The following TEX15 variants were observed in gnomAD, a reference collection of about 807,000 sequenced individuals.
TEX15 encodes the protein testis expressed 15, meiosis and synapsis associated.
TEX15 carries 171 observed loss-of-function variants against 237.3 expected under a neutral mutation model. That is an observed-to-expected ratio of 0.72 (90% CI 0.64 to 0.82). TEX15 has a LOEUF of 0.82. TEX15 is among the 40% of genes least tolerant of loss of function. The pLI is 0.00. For synonymous variants in TEX15, 1,338 were observed against 1,269.8 expected (o/e 1.05, Z -1.14); for missense variants, 3,750 against 3,646.5 (o/e 1.03, Z -0.73).
Position 30,859,910 on chromosome 8 carries a change from C to G in TEX15, c.687+1G>C. 6.8e-7 allele frequency: 1 copy of G among 1,472,488 alleles called. No individual in the cohort carries two copies. Among genetic ancestry groups the G allele is most frequent in the Non-Finnish European group, 8.9e-7 (1 of 1,121,920 alleles). 91.2% of individuals were successfully genotyped at this position (1,472,488 alleles called of 1,614,324 possible). ...AGAAATCAAATGAACCATTAACATA[C>G]TGCTGAACTGTAGGCTTGCAGTTCA... On this transcript the variant is annotated splice_donor_variant, in intron 6 of 10. Transcript: ENST00000643185. LOFTEE classifies it high-confidence loss of function.
At chr8:30,907,773 C>A (rs1809139762) in intron 1 of TEX15, among the ~76,000 whole-genome samples, 1 of 115,886 alleles carries the variant, frequency 8.6e-6, no homozygotes, top group Non-Finnish European at 1.9e-5. Flanking sequence ...TATAATTACA[C>A]CAAAAAAAAA....
intron 2 of TEX15, among the ~76,000 whole-genome samples, chr8:30,897,290 TA>T (rs954667201): frequency 1.3e-5 from 2 of 152,194 alleles, no homozygotes; most frequent in Non-Finnish European, 2.9e-5. Context: ...TCCCTCTTCC[TA>T]CCACTTTCAG....
intron 7 of TEX15, among the ~76,000 whole-genome samples, chr8:30,851,636 A>C (rs1807786528): frequency 6.6e-6 from 1 of 151,444 alleles, no homozygotes; most frequent in African/African-American, 2.4e-5. Context: ...TGTCTCAAGG[A>C]AAAAGAAAAA....
At chr8:30,885,257 A>G (rs561097342) in intron 3 of TEX15, among the ~76,000 whole-genome samples, 1 of 151,886 alleles carries the variant, frequency 6.6e-6, no homozygotes, top group Non-Finnish European at 1.5e-5. Flanking sequence ...CATAATTCCC[A>G]TGTTTTGTGG....
intron 1 of TEX15, among the ~76,000 whole-genome samples, chr8:30,909,394 A>ACC (rs35046956): frequency 0.06 from 7,080 of 117,938 alleles, 254 homozygotes; most frequent in Middle Eastern, 0.1. Context: ...TTAAAGACAG[A>ACC]CCCCCCCCCG....
At position 30,848,777 on chromosome 8, in the gene TEX15, T is replaced by A; in HGVS notation, c.1390A>T (p.Asn464Tyr). Residue 464 changes from asparagine (N) to tyrosine (Y), a missense_variant, in exon 8 of 11, where the codon AAT (asparagine) becomes TAT (tyrosine). Transcript: ENST00000643185. ...EVLQFEKSSD[N>Y]VNSEIKSTPS... Reference sequence around the variant, plus strand: ...GTCGATTTTATTTCTGAATTAACATTATCTGAACTCTTCTCAAATTGCAAA... The same window carrying A: ...GTCGATTTTATTTCTGAATTAACATAATCTGAACTCTTCTCAAATTGCAAA... 1 of 1,614,176 alleles carries A rather than the reference T, an allele frequency of 6.2e-7. No homozygotes were observed. Among genetic ancestry groups the A allele is most frequent in the Non-Finnish European group, 8.5e-7 (1 of 1,180,032 alleles).
intron 4 of TEX15, among the ~76,000 whole-genome samples, chr8:30,870,774 T>C (rs1172350369): frequency 1.3e-5 from 2 of 152,094 alleles, no homozygotes; most frequent in Admixed American, 6.6e-5. Flanking sequence ...TTTGTTTCCT[T>C]TGCTGTTATA....
intron 2 of TEX15, among the ~76,000 whole-genome samples, chr8:30,892,165 A>G (rs746903932): frequency 6.6e-6 from 1 of 152,190 alleles, no homozygotes; most frequent in African/African-American, 2.4e-5. Context: ...CTTTGCCTCA[A>G]ATTCATTTTT....
Position 30,849,641 on chromosome 8 carries a change from G to C in TEX15, c.851-325C>G, listed in dbSNP as rs1001510019. Among the ~76,000 whole-genome samples, 32 of 152,008 alleles carry C rather than the reference G, an allele frequency of 2.1e-4. 1 individual carries two copies. The highest frequency in any genetic ancestry group is 6.2e-4 in the South Asian group (3 of 4,824). On this transcript the variant is annotated intron_variant, in intron 7 of 10. Transcript: ENST00000643185. ...ATAGGGGCTGGGCACGGTGGCTCAC[G>C]CTTATAATTCCATTACTTTGAGAAG...
chr8:30,886,937 T>C (rs1238921256), intron 3 of TEX15: 2 of 367,478 alleles, frequency 5.4e-6, no homozygotes, highest in Non-Finnish European at 9.6e-6. Context: ...AGTCTTTTCA[T>C]ATTTGTTTCA....
At position 30,844,398 on chromosome 8, in the gene TEX15, C is replaced by A; in HGVS notation, c.5769G>T (p.Glu1923Asp). Residue 1923 changes from glutamate (E) to aspartate (D), a missense_variant, in exon 8 of 11, where the codon GAG becomes GAT. Coordinates refer to ENST00000643185, the MANE Select transcript of TEX15 (RefSeq NM_001350162.2). ...NTVSNPLNKR[E>D]KKGEIKVSKD... ...TACTAACTTTAATTTCCCCCTTCTTCTCTCTTTTGTTAAGCGGATTAGAAA... is the reference window on the plus strand; with the variant it reads ...TACTAACTTTAATTTCCCCCTTCTTATCTCTTTTGTTAAGCGGATTAGAAA... 6.2e-7 allele frequency: 1 copy of A among 1,610,352 alleles called. No individual in the cohort carries two copies.
chr8:30,868,745 A>G (rs1808227661), intron 4 of TEX15, among the ~76,000 whole-genome samples: 1 of 152,006 alleles, frequency 6.6e-6, no homozygotes, highest in South Asian at 2.1e-4. Context: ...ACTGTCTAAG[A>G]TTCTTACACT....
chr8:30,907,377 C>T (rs972811649), intron 1 of TEX15, among the ~76,000 whole-genome samples: 13 of 151,208 alleles, frequency 8.6e-5, no homozygotes, highest in Non-Finnish European at 1.8e-4. Context: ...GCAATCTTTC[C>T]ACCTCAGCCT....
At chr8:30,891,526 C>T (rs1342990354) in intron 2 of TEX15, among the ~76,000 whole-genome samples, 1 of 151,472 alleles carries the variant, frequency 6.6e-6, no homozygotes, top group Non-Finnish European at 1.5e-5. Context: ...GTTGCCTGGG[C>T]TGGAGTGAAG....
intron 3 of TEX15, among the ~76,000 whole-genome samples, chr8:30,884,444 C>T (rs1044939760): frequency 1.3e-5 from 2 of 152,144 alleles, no homozygotes; most frequent in African/African-American, 2.4e-5. Flanking sequence ...CTAGTACTCA[C>T]CAGTGAACCT....
intron 5 of TEX15, among the ~76,000 whole-genome samples, chr8:30,864,557 G>A (rs1045826276): frequency 6.7e-6 from 1 of 148,688 alleles, no homozygotes; most frequent in Non-Finnish European, 1.5e-5. Context: ...AGGTTTTACT[G>A]TAGCCAGCAA....
At position 30,858,820 on chromosome 8, in the gene TEX15, TAGA is replaced by T; in HGVS notation, c.695_697del (p.Phe232del). The T allele has an allele frequency of 2.0e-6, 3 of 1,530,448 alleles. No homozygotes were observed. The highest frequency in any genetic ancestry group is 2.6e-6 in the Non-Finnish European group (3 of 1,145,062). 94.8% of individuals were successfully genotyped at this position (1,530,448 alleles called of 1,614,324 possible). Reference sequence around the variant, plus strand: ...AGGCTTTGAAAGGACACTGTATTCATAGAAGTACACCTGAAAGATGAAAACAGG... The same window carrying T: ...AGGCTTTGAAAGGACACTGTATTCATAGTACACCTGAAAGATGAAAACAGG... On this transcript the variant is annotated inframe_deletion, in exon 7 of 11. Coordinates refer to ENST00000643185, the MANE Select transcript of TEX15 (RefSeq NM_001350162.2).
chr8:30,897,578 A>G (rs1297056279), intron 2 of TEX15, among the ~76,000 whole-genome samples: 1 of 152,204 alleles, frequency 6.6e-6, no homozygotes, highest in Non-Finnish European at 1.5e-5. Flanking sequence ...TTTAAAATCC[A>G]TATGATTAAT....
intron 5 of TEX15, among the ~76,000 whole-genome samples, chr8:30,864,518 A>T (rs1808116149): frequency 6.6e-6 from 1 of 151,680 alleles, no homozygotes; most frequent in Admixed American, 6.6e-5. Context: ...CTCAGGGAAA[A>T]AAAGAAAAAA....
Sources: allele counts gnomAD v4.1 joint callset (sites outside exome capture counted in the v4.1 genomes callset), GRCh38; gene constraint gnomAD v4.1.1; transcripts MANE v1.5; gene names NCBI Gene and HGNC (gene_info 2026-07-23, HGNC 2026-07-21).